Variants in LRIF1 observed in about 807,000 individuals in gnomAD.
LRIF1 encodes ligand-dependent nuclear receptor-interacting factor 1.
A neutral mutation model predicts 52.7 loss-of-function variants in LRIF1; 32 were observed. The observed-to-expected ratio is 0.61, with a 90% CI of 0.46 to 0.82. The LOEUF (loss-of-function observed/expected upper bound fraction) is 0.82, where lower values mean the gene tolerates loss of function less well. Among genes scored for constraint, LRIF1 ranks in the 40% least tolerant of loss-of-function variants. LRIF1 has a pLI of 0.00. For missense variants in LRIF1, 887 were observed against 892.0 expected (o/e 0.99, Z 0.07); for synonymous variants, 323 against 317.4 (o/e 1.02, Z -0.19).
the LRIF1 span, among the ~76,000 whole-genome samples, chr1:110,916,745 C>T: frequency 4.6e-5 from 7 of 152,170 alleles, no homozygotes; most frequent in Non-Finnish European, 1.0e-4. Flanking sequence ...AAAAATATGT[C>T]TTGCAGGCAC....
chr1:110,913,846 G>A, the LRIF1 span, among the ~76,000 whole-genome samples: 3 of 152,146 alleles, frequency 2.0e-5, no homozygotes, highest in African/African-American at 7.2e-5. Context: ...ACACTTGTAT[G>A]TTCATTGCAG....
At chr1:110,900,792 G>C in the LRIF1 span, among the ~76,000 whole-genome samples, 9 of 150,936 alleles carry the variant, frequency 6.0e-5, no homozygotes, top group Admixed American at 5.9e-4. Context: ...TTATAGACAA[G>C]GGTATAAATC....
At chr1:110,908,193 A>G in the LRIF1 span, among the ~76,000 whole-genome samples, 1 of 152,220 alleles carries the variant, frequency 6.6e-6, no homozygotes, top group East Asian at 1.9e-4. Context: ...GTAAAAGACA[A>G]ATATAGAAAG....
downstream of LRIF1, among the ~76,000 whole-genome samples, chr1:110,942,585 G>A (rs11102184): frequency 0.27 from 40,824 of 151,914 alleles, 5,881 homozygotes; most frequent in East Asian, 0.35. Context: ...TCACAGTAGA[G>A]GTGGTGAGCA....
downstream of LRIF1, among the ~76,000 whole-genome samples, chr1:110,946,276 A>G (rs188629407): frequency 3.6e-4 from 55 of 152,382 alleles, 2 homozygotes; most frequent in African/African-American, 1.3e-3. Context: ...TGAAATGTTC[A>G]CAACAGGCAA....
At chr1:110,883,930 C>T in the LRIF1 span, among the ~76,000 whole-genome samples, 1 of 151,728 alleles carries the variant, frequency 6.6e-6, no homozygotes, top group Non-Finnish European at 1.5e-5. Flanking sequence ...AAATTGATTA[C>T]CTGTGTATAA....
intron 1 of LRIF1, among the ~76,000 whole-genome samples, chr1:110,957,674 A>G (rs1169910973): frequency 6.6e-6 from 1 of 152,132 alleles, no homozygotes. Context: ...ATTACTCTCT[A>G]TTGAAAAGTA....
At chr1:110,911,592 C>A in the LRIF1 span, among the ~76,000 whole-genome samples, 2 of 152,150 alleles carry the variant, frequency 1.3e-5, no homozygotes, top group Admixed American at 1.3e-4. Flanking sequence ...AACACAAACA[C>A]AAAATCCTCA....
chr1:110,953,806 G>T (rs1180982731), intron 1 of LRIF1, among the ~76,000 whole-genome samples: 3 of 152,000 alleles, frequency 2.0e-5, no homozygotes, highest in Non-Finnish European at 2.9e-5. Context: ...TCTTCACATA[G>T]CTCAAGTCTT....
chr1:110,958,331 T>C lies in LRIF1; in HGVS notation c.68+5290A>G, dbSNP rs139163955. On this transcript the variant is annotated intron_variant, in intron 1 of 3. Transcript: ENST00000369763. ...TTCCAATTCTATCTTTTCCATAAAA[T>C]ATCTGCCAGTCACTCCAGCTTAATT... Among the ~76,000 whole-genome samples the C allele has an allele frequency of 2.8e-3, 422 of 152,340 alleles. 2 individuals are homozygous for C. Among genetic ancestry groups the C allele is most frequent in the African/African-American group, 9.8e-3 (407 of 41,578 alleles).
intron 1 of LRIF1, among the ~76,000 whole-genome samples, chr1:110,960,913 G>C (rs984190977): frequency 3.9e-5 from 6 of 152,120 alleles, no homozygotes; most frequent in Non-Finnish European, 7.4e-5. Flanking sequence ...ATGTACACCT[G>C]TGTCAGTCTT....
chr1:110,951,735 A>AT lies in LRIF1; in HGVS notation c.1148dup (p.Asn383LysfsTer6). 6.2e-7 allele frequency: 1 copy of AT among 1,613,748 alleles called. No individual in the cohort carries two copies. The highest frequency in any genetic ancestry group is 8.5e-7 in the Non-Finnish European group (1 of 1,179,998). The stretch of plus-strand genomic sequence containing the variant: ...TTACTGGAGTATCAGGAGAAACAGA[A>AT]TTCTGTTGGTCAATTTGTGATGGCA... On this transcript the variant is annotated frameshift_variant, in exon 2 of 4. Coordinates refer to ENST00000369763, the MANE Select transcript of LRIF1 (RefSeq NM_018372.4). LOFTEE classifies it high-confidence loss of function.
At chr1:110,944,743 C>T (rs953621985), downstream of LRIF1, 1 of 152,144 alleles carries the variant, frequency 6.6e-6, no homozygotes, top group Non-Finnish European at 1.5e-5. Flanking sequence ...CACTTAAAAG[C>T]TCTACAGGGT....
rs1658264446 is a variant in LRIF1, at chr1:110,947,800, G to C, written c.*159C>G. 1 of 984,272 alleles carries C rather than the reference G, an allele frequency of 1.0e-6. No individual in the cohort carries two copies. Among genetic ancestry groups the C allele is most frequent in the East Asian group, 2.7e-5 (1 of 36,678 alleles). 61.0% of individuals were successfully genotyped at this position (984,272 alleles called of 1,614,324 possible). ...TGTAAATTATTCACAAGTCATATGT[G>C]AATCAACCTTTTCTGTATTCCTTAA... On this transcript the variant is annotated 3_prime_UTR_variant, in exon 4 of 4. Transcript: ENST00000369763.
At chr1:110,902,788 G>C in the LRIF1 span, among the ~76,000 whole-genome samples, 1 of 152,238 alleles carries the variant, frequency 6.6e-6, no homozygotes, top group Non-Finnish European at 1.5e-5. Flanking sequence ...TTTAACAACT[G>C]TCTAACACAA....
chr1:110,951,693 C>G lies in LRIF1; in HGVS notation c.1191G>C (p.Gln397His). The G allele has an allele frequency of 6.2e-7, 1 of 1,613,990 alleles. No homozygotes were observed. Among genetic ancestry groups the G allele is most frequent in the Non-Finnish European group, 8.5e-7 (1 of 1,180,000 alleles). ...PDTPVRKDTL[Q>H]TVSSSPVTEI... ...CTGTGACTGGACTTGAACTCACTGT[C>G]TGTAACGTGTCTTTTCTTACTGGAG... Residue 397 changes from glutamine (Q) to histidine (H), a missense_variant, in exon 2 of 4, where the codon CAG becomes CAC. Physicochemically the swap from Gln to His is conservative, Grantham distance 24. Transcript: ENST00000369763.
chr1:110,943,418 C>T (rs1230234313), downstream of LRIF1: 6 of 151,794 alleles, frequency 4.0e-5, no homozygotes, highest in African/African-American at 1.5e-4. Context: ...AGCAGCAAAG[C>T]TTTAATAAGG....
intron 1 of LRIF1, among the ~76,000 whole-genome samples, chr1:110,955,680 T>C (rs1282030): frequency 0.027 from 4,170 of 152,280 alleles, 187 homozygotes; most frequent in African/African-American, 0.095. Context: ...AAGAAGTTGC[T>C]GAGGAGTGGG....
At chr1:110,908,978 C>T in the LRIF1 span, among the ~76,000 whole-genome samples, 1 of 152,084 alleles carries the variant, frequency 6.6e-6, no homozygotes, top group Non-Finnish European at 1.5e-5. Flanking sequence ...ATCTTAAAGG[C>T]AGCTAGAGAG....
Sources: gnomAD v4.1 joint callset for allele counts (sites outside exome capture counted in the v4.1 genomes callset) on GRCh38, gnomAD v4.1.1 for gene constraint, MANE v1.5 for transcripts, NCBI Gene and HGNC (gene_info 2026-07-23, HGNC 2026-07-21) for gene names.